The following WIPF3 variants were observed in gnomAD, a reference collection of about 807,000 sequenced individuals.
The protein encoded by WIPF3 is WAS/WASL interacting protein family member 3.
WIPF3 carries 33 observed loss-of-function variants against 38.9 expected under a neutral mutation model. The ratio of observed to expected loss-of-function variants is 0.85; its 90% CI spans 0.64 to 1.14. WIPF3 has a LOEUF of 1.14. Ranked by LOEUF, WIPF3 falls within the 50% of genes most tolerant of loss-of-function variation. WIPF3 has a pLI of 0.00. For missense variants in WIPF3, 711 were observed against 652.5 expected (o/e 1.09, Z -0.98); for synonymous variants, 324 against 269.3 (o/e 1.20, Z -1.99).
At chr7:29,858,053 T>C (rs1785214100) in intron 2 of WIPF3, among the ~76,000 whole-genome samples, 2 of 152,200 alleles carry the variant, frequency 1.3e-5, no homozygotes, top group African/African-American at 2.4e-5. Flanking sequence ...GTTTTTATGG[T>C]AAGTGTCTTA....
At chr7:29,843,447 A>G (rs1408718339) in intron 2 of WIPF3, among the ~76,000 whole-genome samples, 1 of 152,190 alleles carries the variant, frequency 6.6e-6, no homozygotes, top group Admixed American at 6.5e-5. Flanking sequence ...AGCCCGGAGC[A>G]TAAGCCGCTC....
At chr7:29,906,078 T>G (rs1170427650) in intron 8 of WIPF3, 1 of 152,074 alleles carries the variant, frequency 6.6e-6, no homozygotes, top group African/African-American at 2.4e-5. Context: ...CAGAGAGAAT[T>G]GATATCTAGA....
intron 2 of WIPF3, among the ~76,000 whole-genome samples, chr7:29,865,561 A>G (rs1411003938): frequency 1.3e-5 from 2 of 152,138 alleles, no homozygotes; most frequent in African/African-American, 2.4e-5. Context: ...GGGTGCAGAC[A>G]GGGAAGGAAA....
At chr7:29,813,603 G>T (rs1214519118) in intron 1 of WIPF3, among the ~76,000 whole-genome samples, 1 of 151,930 alleles carries the variant, frequency 6.6e-6, no homozygotes, top group Non-Finnish European at 1.5e-5. Flanking sequence ...CATATTTTTT[G>T]CCCTGGATTC....
chr7:29,831,910 G>T (rs1397671399), intron 1 of WIPF3, among the ~76,000 whole-genome samples: 1 of 152,248 alleles, frequency 6.6e-6, no homozygotes, highest in Non-Finnish European at 1.5e-5. Context: ...GAGGCTGGGA[G>T]ATGCAGTCTA....
intron 2 of WIPF3, among the ~76,000 whole-genome samples, chr7:29,846,558 G>A (rs1785004433): frequency 6.6e-6 from 1 of 152,212 alleles, no homozygotes. Flanking sequence ...AGAATTTGCT[G>A]GGCATGGTGG....
intron 8 of WIPF3, 151 bp downstream of exon 8, chr7:29,904,513 A>G (rs1319298519): frequency 2.8e-6 from 2 of 724,382 alleles, no homozygotes; most frequent in Non-Finnish European, 4.5e-6. Context: ...CCTTTTTTCA[A>G]GCCAGAATGA....
chr7:29,822,037 TATCTGCTTTACAGC>T (rs1046666808), intron 1 of WIPF3, among the ~76,000 whole-genome samples: 2 of 152,054 alleles, frequency 1.3e-5, no homozygotes, highest in African/African-American at 2.4e-5. Flanking sequence ...TCACAGTGTT[TATCTGCTTTACAGC>T]AGTATTTTTT....
chr7:29,828,490 G>C (rs936826349), intron 1 of WIPF3, among the ~76,000 whole-genome samples: 1 of 152,162 alleles, frequency 6.6e-6, no homozygotes, highest in Non-Finnish European at 1.5e-5. Flanking sequence ...TCTGTGCTCT[G>C]TGGCCCACTG....
At position 29,899,612 on chromosome 7, in the gene WIPF3, AT is replaced by A. The variant is rs1786230421; in HGVS notation, c.1352-4671del. Reference sequence around the variant, plus strand: ...GCTGAACCATTTACATAATAAAACAATTTGGAAATAGCACACATCTCCAGTA... The same window carrying A: ...GCTGAACCATTTACATAATAAAACAATTGGAAATAGCACACATCTCCAGTA... On this transcript the variant is annotated intron_variant, in intron 7 of 8. Transcript: ENST00000242140. Among the ~76,000 whole-genome samples the A allele has an allele frequency of 2.6e-5, 4 of 152,252 alleles. No homozygotes were observed. In the South Asian group the frequency reaches 8.3e-4, roughly 31 times the overall value.
At chr7:29,807,049 G>T (rs932869761) in intron 1 of WIPF3, among the ~76,000 whole-genome samples, 3 of 151,990 alleles carry the variant, frequency 2.0e-5, no homozygotes, top group African/African-American at 7.2e-5. Flanking sequence ...CTGGTCCTTC[G>T]CGACGCTCTC....
At chr7:29,835,785 A>G (rs115163690) in intron 2 of WIPF3, among the ~76,000 whole-genome samples, 264 of 152,318 alleles carry the variant, frequency 1.7e-3, no homozygotes, top group African/African-American at 6.0e-3. Context: ...ACGGTATGGC[A>G]CACAGAGACA....
chr7:29,910,650 G>C (rs1786488837), intron 8 of WIPF3, among the ~76,000 whole-genome samples: 2 of 151,880 alleles, frequency 1.3e-5, no homozygotes, highest in African/African-American at 4.8e-5. Flanking sequence ...GCATTAATAG[G>C]ATGAAGGGAA....
rs756046205 is a variant in WIPF3, at chr7:29,883,902, C to T, written c.408C>T (p.Pro136=). 6.3e-7 allele frequency: 1 copy of T among 1,582,082 alleles called. No individual in the cohort carries two copies. Residue 136 remains proline (P), a synonymous_variant, in exon 5 of 9, where the codon CCC becomes CCT. Coordinates refer to ENST00000242140, the MANE Select transcript of WIPF3 (RefSeq NM_001080529.3). ...PGSRAPSPRL[P]NKTISGPLIP... ...CCCGCGCGCCCTCTCCCAGGCTTCC[C>T]AACAAAACCATCAGCGGCCCGCTTA...
Position 29,914,845 on chromosome 7 carries a change from C to T in WIPF3, c.*329C>T, listed in dbSNP as rs371927317. 1.7e-4 allele frequency: 32 copies of T among 193,786 alleles called. No homozygotes were observed. In the East Asian group the frequency reaches 3.6e-3, roughly 22 times the overall value. The allele number at this position is 193,786 out of a possible 1,614,324, so 12.0% of individuals were successfully genotyped here. A position where few individuals can be genotyped will look rare whatever the true frequency, so the allele number is the denominator to read the frequency against. On this transcript the variant is annotated 3_prime_UTR_variant, in exon 9 of 9. Transcript: ENST00000242140. Reference sequence around the variant, plus strand: ...GGCTGGCCCTTCCTAGATTCTGAACCGTTTGTAGAGAGTCCTTAGTTTGCA... The same window carrying T: ...GGCTGGCCCTTCCTAGATTCTGAACTGTTTGTAGAGAGTCCTTAGTTTGCA...
At chr7:29,879,173 T>A in intron 4 of WIPF3, 33 bp downstream of exon 4, 1 of 1,597,924 alleles carries the variant, frequency 6.3e-7, no homozygotes, top group Non-Finnish European at 8.6e-7. Context: ...TCCCTTGTGG[T>A]CTGTATCTCC....
chr7:29,814,252 A>G lies in WIPF3; in HGVS notation c.-58+7574A>G, dbSNP rs528036911. 2.6e-5 allele frequency among the ~76,000 whole-genome samples: 4 copies of G among 152,272 alleles called. No individual in the cohort carries two copies. The South Asian group carries it at 6.2e-4, about 24-fold the overall frequency. On this transcript the variant is annotated intron_variant, in intron 1 of 8. Coordinates refer to ENST00000242140, the MANE Select transcript of WIPF3 (RefSeq NM_001080529.3). The stretch of plus-strand genomic sequence containing the variant: ...TGGAACTTATTTTGTGTTTTCTTGT[A>G]TACCCTGTGCTTTATTATTACTTCT...
At chr7:29,879,172 G>A in intron 4 of WIPF3, 32 bp downstream of exon 4, 1 of 1,598,522 alleles carries the variant, frequency 6.3e-7, no homozygotes, top group Middle Eastern at 2.1e-4. Flanking sequence ...CTCCCTTGTG[G>A]TCTGTATCTC....
Position 29,888,189 on chromosome 7 carries a change from A to C in WIPF3, c.1221A>C (p.Gln407His), listed in dbSNP as rs766409168. Reference sequence around the variant, plus strand: ...CCCCGACGCAGCAGCCTGGAGGTCAACTGCGAAATGGAAGCCTGCACATCA... The same window carrying C: ...CCCCGACGCAGCAGCCTGGAGGTCACCTGCGAAATGGAAGCCTGCACATCA... ...AWTPTQQPGG[Q>H]LRNGSLHIID... Residue 407 changes from glutamine to histidine, a missense_variant, in exon 6 of 9, where the codon CAA becomes CAC. Transcript: ENST00000242140. 6.2e-7 allele frequency: 1 copy of C among 1,612,022 alleles called. No homozygotes were observed.
Sources: allele counts gnomAD v4.1 joint callset (sites outside exome capture counted in the v4.1 genomes callset), GRCh38; gene constraint gnomAD v4.1.1; transcripts MANE v1.5; gene names NCBI Gene and HGNC (gene_info 2026-07-23, HGNC 2026-07-21).